The following PREX1 variants were observed in gnomAD, a reference collection of about 807,000 sequenced individuals.
PREX1 encodes phosphatidylinositol 3,4,5-trisphosphate-dependent Rac exchanger 1 protein.
Under a neutral mutation model 198.3 loss-of-function variants are expected in PREX1, and 41 were observed. The ratio of observed to expected loss-of-function variants is 0.21; its 90% confidence interval spans 0.16 to 0.27. The LOEUF (loss-of-function observed/expected upper bound fraction) is 0.27. Ranked by LOEUF, PREX1 falls within the 10% of genes least tolerant of loss-of-function variation. The probability of loss-of-function intolerance (pLI) is 1.00; values close to 1 mark genes in which losing one functional copy is unlikely to be tolerated. For missense variants in PREX1, 1,620 were observed against 2,200.7 expected (o/e 0.74, Z 5.28); for synonymous variants, 843 against 887.2 (o/e 0.95, Z 0.89).
chr20:48,681,204 T>C, intron 11 of PREX1, 31 bp downstream of exon 11: 1 of 1,595,772 alleles, frequency 6.3e-7, no homozygotes, highest in South Asian at 1.1e-5. Flanking sequence ...TTCCCACCCC[T>C]TGGCCCAGCT....
intron 15 of PREX1, among the ~76,000 whole-genome samples, chr20:48,663,237 T>C (rs913805743): frequency 2.6e-5 from 4 of 152,176 alleles, no homozygotes; most frequent in East Asian, 1.9e-4. Context: ...TATGGGCCTA[T>C]TGGGAGTCAG....
chr20:48,636,796 A>T, intron 31 of PREX1, 113 bp from the exon 32 acceptor site: 1 of 877,672 alleles, frequency 1.1e-6, no homozygotes, highest in Non-Finnish European at 1.7e-6. Flanking sequence ...GCAAAGGGCT[A>T]ACATCAGGCC....
At chr20:48,772,094 T>G (rs928102405) in intron 1 of PREX1, among the ~76,000 whole-genome samples, 6 of 152,118 alleles carry the variant, frequency 3.9e-5, no homozygotes, top group Non-Finnish European at 7.4e-5. Flanking sequence ...CTCAGGAAGC[T>G]GAGGCAAGAG....
At chr20:48,637,480 G>A (rs564249789) in intron 31 of PREX1, among the ~76,000 whole-genome samples, 3 of 152,322 alleles carry the variant, frequency 2.0e-5, no homozygotes, top group South Asian at 2.1e-4. Context: ...CCGGGGCCCC[G>A]TCAACATCCA....
chr20:48,634,151 GATGGATGGATGGATGGATGGATGC>G (rs1415882140), intron 33 of PREX1, among the ~76,000 whole-genome samples: 6 of 127,396 alleles, frequency 4.7e-5, no homozygotes, highest in African/African-American at 8.4e-5. Context: ...TGGGTGGATG[GATGGATGGATGGATGGATGGATGC>G]ATGGATGGAT....
chr20:48,782,005 C>A (rs977681438), intron 1 of PREX1, among the ~76,000 whole-genome samples: 1 of 152,154 alleles, frequency 6.6e-6, no homozygotes, highest in Non-Finnish European at 1.5e-5. Context: ...TTGTACTATA[C>A]AAAAATCAGG....
chr20:48,798,567 T>TA (rs1406413575), intron 1 of PREX1, among the ~76,000 whole-genome samples: 10 of 152,148 alleles, frequency 6.6e-5, no homozygotes, highest in African/African-American at 2.2e-4. Context: ...CCGCTGCACT[T>TA]AAACTCTGAC....
chr20:48,747,712 TC>T, intron 2 of PREX1, 96 bp downstream of exon 2: 1 of 1,333,276 alleles, frequency 7.5e-7, no homozygotes. Context: ...GTGATGCGCC[TC>T]CCCCTGCATG....
chr20:48,721,597 C>T (rs747842340), intron 5 of PREX1, among the ~76,000 whole-genome samples: 44 of 152,318 alleles, frequency 2.9e-4, no homozygotes, highest in Non-Finnish European at 5.0e-4. Context: ...TGGGTGAGAT[C>T]GGTAGGACAC....
intron 4 of PREX1, 40 bp downstream of exon 4, chr20:48,734,506 C>T (rs1335585015): frequency 1.3e-6 from 2 of 1,550,730 alleles, no homozygotes; most frequent in African/African-American, 2.7e-5. Flanking sequence ...AAGGATGAGG[C>T]CGAGTGCAAG....
the PREX1 span, among the ~76,000 whole-genome samples, chr20:48,846,189 G>C: frequency 3.3e-5 from 5 of 152,166 alleles, no homozygotes; most frequent in Admixed American, 6.5e-5. Context: ...ATCAAAGCCT[G>C]GCCTAGAGGA....
chr20:48,759,945 TACAA>T lies in PREX1; in HGVS notation c.220-12069_220-12066del, dbSNP rs898564398. On this transcript the variant is annotated intron_variant, in intron 1 of 39. Transcript: ENST00000371941. ...GGCAAAACCTCATCTCTACCAAAAA[TACAA>T]ACAAACAAACAAAATAGCCAGGTGT... Among the ~76,000 whole-genome samples, 17 of 151,788 alleles carry T rather than the reference TACAA, an allele frequency of 1.1e-4. 1 individual carries two copies. The highest frequency in any genetic ancestry group is 1.9e-4 in the Non-Finnish European group (13 of 67,890).
intron 1 of PREX1, among the ~76,000 whole-genome samples, chr20:48,786,711 C>T (rs1156601652): frequency 6.7e-6 from 1 of 148,892 alleles, no homozygotes; most frequent in Non-Finnish European, 1.5e-5. Flanking sequence ...TGCCACTGCA[C>T]TCCAGCCTGG....
rs753965934 is a variant in PREX1 at position 48,657,094 on chromosome 20, T to C, written c.2069A>G (p.Gln690Arg). 1.9e-6 allele frequency: 3 copies of C among 1,610,456 alleles called. No homozygotes were observed. Reference protein sequence around the residue: ...PFSEVESILNQSFCSRRPLRL... With the variant: ...PFSEVESILNRSFCSRRPLRL... ...CAGAGGGCGGCGGGAGCAGAAGGAC[T>C]GGTTGAGGATGGACTCCACCTCTGA... Residue 690 changes from glutamine (Q) to arginine (R), a missense_variant, in exon 18 of 40, where the codon CAG becomes CGG. Physicochemically the swap from Gln to Arg is conservative, Grantham distance 43. Transcript: ENST00000371941.
intron 29 of PREX1, 94 bp from the exon 30 acceptor site, chr20:48,639,988 G>A: frequency 6.8e-7 from 1 of 1,473,180 alleles, no homozygotes; most frequent in East Asian, 2.3e-5. Context: ...ACAGATCCCA[G>A]AGCTCATAAT....
intron 6 of PREX1, among the ~76,000 whole-genome samples, chr20:48,707,204 C>T (rs1001410454): frequency 6.6e-6 from 1 of 152,184 alleles, no homozygotes; most frequent in Non-Finnish European, 1.5e-5. Context: ...GGCCTCCACC[C>T]CACTTCCACC....
chr20:48,746,182 G>A (rs2037332359), intron 2 of PREX1, among the ~76,000 whole-genome samples: 1 of 152,080 alleles, frequency 6.6e-6, no homozygotes, highest in South Asian at 2.1e-4. Context: ...CGCCATGCCT[G>A]GCTAACTTTT....
chr20:48,633,917 C>G (rs2089335858), intron 33 of PREX1, among the ~76,000 whole-genome samples: 1 of 152,162 alleles, frequency 6.6e-6, no homozygotes, highest in African/African-American at 2.4e-5. Context: ...CAAAACGCAG[C>G]CTGACATATA....
chr20:48,884,813 A>G, the PREX1 span, among the ~76,000 whole-genome samples: 47 of 152,238 alleles, frequency 3.1e-4, no homozygotes, highest in Admixed American at 3.1e-3. Context: ...ACCCAATAGT[A>G]AAAAGACAAA....
Sources: allele counts gnomAD v4.1 joint callset (sites outside exome capture counted in the v4.1 genomes callset), GRCh38; gene constraint gnomAD v4.1.1; transcripts MANE v1.5; gene names NCBI Gene and HGNC (gene_info 2026-07-23, HGNC 2026-07-21).